Variants in UGT1A10 observed in about 807,000 individuals in gnomAD.
UGT1A10 encodes the protein UDP-glucuronosyltransferase 1A10.
Under a neutral mutation model 45.8 loss-of-function variants are expected in UGT1A10, and 49 were observed. That is an observed-to-expected ratio of 1.07 (90% CI 0.85 to 1.36). The LOEUF (loss-of-function observed/expected upper bound fraction) is 1.36. UGT1A10 is among the 40% of genes most tolerant of loss of function. The pLI is 0.00. For synonymous variants in UGT1A10, 284 were observed against 249.7 expected, an observed-to-expected ratio of 1.14 and a Z score of -1.29; for missense variants, 745 against 668.6, an observed-to-expected ratio of 1.11 and a Z score of -1.26.
rs532529523 is a variant in UGT1A10 at position 233,747,113 on chromosome 2, A to T, written c.856-19921A>T. 13 of 1,433,550 alleles carry T rather than the reference A, an allele frequency of 9.1e-6. No homozygotes were observed. The African/African-American group carries it at 1.3e-4, about 14-fold the overall frequency. 88.8% of individuals were successfully genotyped at this position (1,433,550 alleles called of 1,614,324 possible). ...CACTCTATCTTCCAATTACATGATGATTTGCTAAGTGGCTCAGTGACAAGG... is the reference window on the plus strand; with the variant it reads ...CACTCTATCTTCCAATTACATGATGTTTTGCTAAGTGGCTCAGTGACAAGG... On this transcript the variant is annotated intron_variant, in intron 1 of 4. Coordinates refer to ENST00000344644, the MANE Select transcript of UGT1A10 (RefSeq NM_019075.4).
intron 1 of UGT1A10, among the ~76,000 whole-genome samples, chr2:233,640,360 T>C (rs796086204): frequency 6.6e-6 from 1 of 152,194 alleles, no homozygotes; most frequent in South Asian, 2.1e-4. Context: ...GTGGAAATTC[T>C]TGGCTTGTCA....
intron 1 of UGT1A10, among the ~76,000 whole-genome samples, chr2:233,662,897 T>A (rs2074003901): frequency 6.6e-6 from 1 of 152,004 alleles, no homozygotes; most frequent in South Asian, 2.1e-4. Flanking sequence ...GCTACATGGT[T>A]ATACAGTTTT....
At position 233,671,844 on chromosome 2, in the gene UGT1A10, T is replaced by C. The variant is rs1373216341; in HGVS notation, c.855+34467T>C. ...TGAAAGGATAAAAACACGCCCTCTA[T>C]TGGGGTCAGGTTTTGTGCTGGTATT... On this transcript the variant is annotated intron_variant, in intron 1 of 4. Transcript: ENST00000344644. 19 of 1,493,808 alleles carry C rather than the reference T, an allele frequency of 1.3e-5. No homozygotes were observed. The Admixed American group carries it at 3.6e-4, about 28-fold the overall frequency. 92.5% of individuals were successfully genotyped at this position (1,493,808 alleles called of 1,614,324 possible). A position where few individuals can be genotyped will look rare whatever the true frequency, so the allele number is the denominator to read the frequency against.
intron 1 of UGT1A10, among the ~76,000 whole-genome samples, chr2:233,723,539 T>A (rs866604181): frequency 9.1e-6 from 1 of 110,330 alleles, no homozygotes; most frequent in African/African-American, 3.8e-5. Flanking sequence ...TTTTTTTTAA[T>A]TTATTTTTTT....
At chr2:233,743,223 T>C (rs879890998) in intron 1 of UGT1A10, 26 of 414,194 alleles carry the variant, frequency 6.3e-5, no homozygotes, top group Middle Eastern at 7.1e-4. Context: ...TGCTCTTTGC[T>C]ATTTATTATG....
At chr2:233,690,624 G>A (rs2075000515) in intron 1 of UGT1A10, 1 of 1,289,022 alleles carries the variant, frequency 7.8e-7, no homozygotes, top group Admixed American at 2.3e-5. Context: ...GGACACTCAA[G>A]TGATACCTGA....
chr2:233,749,216 C>G lies in UGT1A10; in HGVS notation c.856-17818C>G, dbSNP rs1401762551. ...AACATAGGTATTATTGCCAAACACT[C>G]TAAGCTTCATTTTTTAAAATCAAAC... On this transcript the variant is annotated intron_variant, in intron 1 of 4. Coordinates refer to ENST00000344644, the MANE Select transcript of UGT1A10 (RefSeq NM_019075.4). Among the ~76,000 whole-genome samples, 5 of 151,786 alleles carry G rather than the reference C, an allele frequency of 3.3e-5. No homozygotes were observed. The East Asian group carries it at 5.8e-4, about 18-fold the overall frequency.
rs1375960685 is a variant in UGT1A10 at position 233,768,542 on chromosome 2, T to C, written c.1295+103T>C. On this transcript the variant is annotated intron_variant, in intron 4 of 4. Coordinates refer to ENST00000344644, the MANE Select transcript of UGT1A10 (RefSeq NM_019075.4). ...TAGCATTTAATAGCGTTGTTTCAAA[T>C]ATAAAAACAAATACATAAAAATCTG... 2.1e-6 allele frequency: 3 copies of C among 1,457,940 alleles called. No individual in the cohort carries two copies. In the African/African-American group the frequency reaches 4.3e-5, roughly 21 times the overall value. The allele number at this position is 1,457,940 out of a possible 1,614,324, so 90.3% of individuals were successfully genotyped here.
chr2:233,714,809 G>C (rs545646081), intron 1 of UGT1A10, among the ~76,000 whole-genome samples: 1 of 152,174 alleles, frequency 6.6e-6, no homozygotes, highest in Admixed American at 6.5e-5. Flanking sequence ...ATATTCATAT[G>C]TAGTTAGTGA....
intron 1 of UGT1A10, among the ~76,000 whole-genome samples, chr2:233,669,689 G>GT (rs1379617446): frequency 6.6e-6 from 1 of 152,010 alleles, no homozygotes. Flanking sequence ...GTTTCTTTTT[G>GT]TTTTTTATTT....
chr2:233,769,154 T>C lies in UGT1A10; in HGVS notation c.1295+715T>C, dbSNP rs528869254. ...CAGCTTTTTGCAGCACTGGAACCTG[T>C]GAGAAATTTTGTCCATGGAGTTTAT... On this transcript the variant is annotated intron_variant, in intron 4 of 4. Coordinates refer to ENST00000344644, the MANE Select transcript of UGT1A10 (RefSeq NM_019075.4). This position sits in a 1 kb window ranked among gnomAD's most constrained non-coding sequence, Gnocchi z 4.4. Among the ~76,000 whole-genome samples the C allele has an allele frequency of 1.3e-5, 2 of 152,310 alleles. No individual in the cohort carries two copies. Among genetic ancestry groups the C allele is most frequent in the South Asian group, 4.1e-4 (2 of 4,822 alleles).
chr2:233,647,960 G>T, intron 1 of UGT1A10: 1 of 1,607,318 alleles, frequency 6.2e-7, no homozygotes, highest in Non-Finnish European at 8.5e-7. Flanking sequence ...TTCACCATGT[G>T]GTCGGTGGTG....
At chr2:233,714,728 C>T (rs2076408539) in intron 1 of UGT1A10, among the ~76,000 whole-genome samples, 1 of 152,116 alleles carries the variant, frequency 6.6e-6, no homozygotes, top group African/African-American at 2.4e-5. Context: ...GTTGTTAAGT[C>T]TTCAAAATCT....
At position 233,760,643 on chromosome 2, in the gene UGT1A10, A is replaced by G. The variant is rs534521374; in HGVS notation, c.856-6391A>G. On this transcript the variant is annotated intron_variant, in intron 1 of 4. Coordinates refer to ENST00000344644, the MANE Select transcript of UGT1A10 (RefSeq NM_019075.4). ...AAAACATACAAGAAAATAAAAAAGG[A>G]CTCTGCTATGCTTTTGTCTGGCTGT... 5.0e-6 allele frequency: 8 copies of G among 1,614,148 alleles called. No individual in the cohort carries two copies. The South Asian group carries it at 8.8e-5, about 18-fold the overall frequency.
At chr2:233,653,720 C>G (rs1053140330) in intron 1 of UGT1A10, among the ~76,000 whole-genome samples, 1 of 152,178 alleles carries the variant, frequency 6.6e-6, no homozygotes, top group Non-Finnish European at 1.5e-5. Flanking sequence ...CCTCAGCCTC[C>G]TGGGTAGCTG....
chr2:233,686,836 A>G (rs751919784), intron 1 of UGT1A10, among the ~76,000 whole-genome samples: 32 of 151,862 alleles, frequency 2.1e-4, no homozygotes, highest in Non-Finnish European at 1.0e-4. Flanking sequence ...CCTCTTTTCT[A>G]TCTCCTTCCC....
chr2:233,762,816 G>T (rs28946889), intron 1 of UGT1A10, among the ~76,000 whole-genome samples: 30,774 of 150,410 alleles, frequency 0.2, 3,870 homozygotes, highest in East Asian at 0.45. Flanking sequence ...TCAAAATATT[G>T]ATTTTCATAA....
At position 233,772,501 on chromosome 2, in the gene UGT1A10, G is replaced by T. The variant is rs778667717; in HGVS notation, c.1535G>T (p.Arg512Leu). 1.3e-5 allele frequency: 21 copies of T among 1,614,038 alleles called. No homozygotes were observed. In the African/African-American group the frequency reaches 2.5e-4, roughly 19 times the overall value. The change falls in exon 5 of 5, where the codon CGG (arginine) becomes CTG (leucine). Residue 512 changes from arginine to leucine, a missense_variant. By Grantham distance (102) the Arg-to-Leu change is moderately radical. Coordinates refer to ENST00000344644, the MANE Select transcript of UGT1A10 (RefSeq NM_019075.4). ...ITFKCCAYGY[R>L]KCLGKKGRVK... Reference sequence around the variant, plus strand: ...TTTAAATGTTGTGCTTATGGCTACCGGAAATGCTTGGGGAAAAAAGGGCGA... The same window carrying T: ...TTTAAATGTTGTGCTTATGGCTACCTGAAATGCTTGGGGAAAAAAGGGCGA...
intron 1 of UGT1A10, among the ~76,000 whole-genome samples, chr2:233,720,605 A>C (rs1246290812): frequency 6.6e-6 from 1 of 152,152 alleles, no homozygotes; most frequent in Non-Finnish European, 1.5e-5. Context: ...TTTCATTAAT[A>C]CAGAATATTT....
Sources: gnomAD v4.1 joint callset for allele counts (sites outside exome capture counted in the v4.1 genomes callset) on GRCh38, gnomAD v4.1.1 for gene constraint, Gnocchi (gnomAD v3.1) non-coding constraint, MANE v1.5 for transcripts, NCBI Gene and HGNC (gene_info 2026-07-23, HGNC 2026-07-21) for gene names.